The following HS6ST3 variants were observed in gnomAD, a reference collection of about 807,000 sequenced individuals.
HS6ST3 encodes heparan-sulfate 6-O-sulfotransferase 3.
Under a neutral mutation model 36.7 loss-of-function variants are expected in HS6ST3, and 12 were observed. The ratio of observed to expected loss-of-function variants is 0.33; its 90% CI spans 0.21 to 0.53. The LOEUF is 0.53. Ranked by LOEUF, HS6ST3 falls within the 20% of genes least tolerant of loss-of-function variation. The probability of loss-of-function intolerance (pLI) is 0.95; values close to 1 mark genes in which losing one functional copy is unlikely to be tolerated. For missense variants in HS6ST3, 584 were observed against 640.9 expected (o/e 0.91, Z 0.96); for synonymous variants, 240 against 257.5 (o/e 0.93, Z 0.65).
intron 1 of HS6ST3, among the ~76,000 whole-genome samples, chr13:96,319,020 A>G (rs1039372076): frequency 6.6e-6 from 1 of 152,194 alleles, no homozygotes; most frequent in African/African-American, 2.4e-5. Flanking sequence ...TTTTTAGTCT[A>G]TTCACAGAGT....
intron 1 of HS6ST3, among the ~76,000 whole-genome samples, chr13:96,724,756 T>G (rs1192037883): frequency 6.6e-6 from 1 of 152,206 alleles, no homozygotes; most frequent in Non-Finnish European, 1.5e-5. Flanking sequence ...ATGCCATTAT[T>G]TGTTTATTCA....
rs145329331 is a variant in HS6ST3 at position 96,459,587 on chromosome 13, G to A, written c.707+368018G>A. ...GAAGATGGACTCTGGTAATTCTACT[G>A]TTGCTGTGTTGCAGTGTGTTAATTC... On this transcript the variant is annotated intron_variant, in intron 1 of 1. Coordinates refer to ENST00000376705, the MANE Select transcript of HS6ST3 (RefSeq NM_153456.4). 3.3e-4 allele frequency among the ~76,000 whole-genome samples: 51 copies of A among 152,302 alleles called. No individual in the cohort carries two copies. The East Asian group carries it at 9.1e-3, about 27-fold the overall frequency.
intron 1 of HS6ST3, among the ~76,000 whole-genome samples, chr13:96,561,468 G>T (rs926023106): frequency 6.6e-6 from 1 of 152,068 alleles, no homozygotes; most frequent in African/African-American, 2.4e-5. Flanking sequence ...TCTGGAAATG[G>T]ATCTTGGGAA....
chr13:96,421,462 T>G (rs1473688115), intron 1 of HS6ST3, among the ~76,000 whole-genome samples: 1 of 152,216 alleles, frequency 6.6e-6, no homozygotes, highest in African/African-American at 2.4e-5. Context: ...TTTCAATAAC[T>G]TTCATTTTAC....
chr13:96,807,643 T>C (rs1470574826), intron 1 of HS6ST3, among the ~76,000 whole-genome samples: 1 of 152,084 alleles, frequency 6.6e-6, no homozygotes, highest in Non-Finnish European at 1.5e-5. Context: ...TTTAACTGAA[T>C]AAACAAGGAG....
At chr13:96,584,105 A>G (rs1309466554) in intron 1 of HS6ST3, among the ~76,000 whole-genome samples, 3 of 151,994 alleles carry the variant, frequency 2.0e-5, no homozygotes, top group Non-Finnish European at 4.4e-5. Context: ...CATTCATTCT[A>G]TTTGAGTTTG....
At chr13:96,799,025 A>G (rs762368586) in intron 1 of HS6ST3, among the ~76,000 whole-genome samples, 2 of 152,160 alleles carry the variant, frequency 1.3e-5, no homozygotes, top group South Asian at 4.1e-4. Context: ...CCACCCTAAC[A>G]TCCTTATTTT....
intron 1 of HS6ST3, among the ~76,000 whole-genome samples, chr13:96,433,359 C>T (rs1157869263): frequency 1.3e-5 from 2 of 152,128 alleles, no homozygotes; most frequent in East Asian, 3.9e-4. Flanking sequence ...TGTGTCCCCA[C>T]CCAAATCTCA....
At chr13:96,465,151 A>G (rs1421016331) in intron 1 of HS6ST3, among the ~76,000 whole-genome samples, 3 of 152,210 alleles carry the variant, frequency 2.0e-5, no homozygotes, top group Non-Finnish European at 4.4e-5. Flanking sequence ...TCTGTTGGGA[A>G]TAGATATTGG....
chr13:96,688,531 G>A (rs959537561), intron 1 of HS6ST3, among the ~76,000 whole-genome samples: 3 of 152,024 alleles, frequency 2.0e-5, no homozygotes, highest in African/African-American at 7.2e-5. Flanking sequence ...ATGAAGGATA[G>A]TGCTGAAGGA....
intron 1 of HS6ST3, among the ~76,000 whole-genome samples, chr13:96,761,758 T>C (rs941891203): frequency 9.2e-5 from 14 of 152,194 alleles, no homozygotes; most frequent in Admixed American, 4.6e-4. Context: ...GGAACACACA[T>C]AATTTTTCAA....
intron 1 of HS6ST3, among the ~76,000 whole-genome samples, chr13:96,686,203 TC>T (rs935286367): frequency 6.6e-6 from 1 of 151,874 alleles, no homozygotes; most frequent in African/African-American, 2.4e-5. Context: ...AAAACCTTCC[TC>T]TTCACCTATT....
At chr13:96,565,933 G>A (rs1331162010) in intron 1 of HS6ST3, among the ~76,000 whole-genome samples, 1 of 152,100 alleles carries the variant, frequency 6.6e-6, no homozygotes, top group Non-Finnish European at 1.5e-5. Context: ...ACAGACAGAG[G>A]AAACAGAGAC....
chr13:96,633,176 C>T (rs75146371), intron 1 of HS6ST3, among the ~76,000 whole-genome samples: 2,319 of 152,166 alleles, frequency 0.015, 41 homozygotes, highest in Non-Finnish European at 0.021. Flanking sequence ...TCAGCAGGGA[C>T]GGTGTTCCTT....
intron 1 of HS6ST3, among the ~76,000 whole-genome samples, chr13:96,760,794 C>T (rs1876949584): frequency 6.6e-6 from 1 of 151,874 alleles, no homozygotes; most frequent in African/African-American, 2.4e-5. Context: ...TTATTTTTTG[C>T]ATTTCTTATC....
At chr13:96,805,960 C>T (rs1878188811) in intron 1 of HS6ST3, among the ~76,000 whole-genome samples, 1 of 152,150 alleles carries the variant, frequency 6.6e-6, no homozygotes, top group African/African-American at 2.4e-5. Flanking sequence ...TGGCTTAACC[C>T]AAAGACGTAT....
At chr13:96,152,494 C>T (rs1272652220) in intron 1 of HS6ST3, among the ~76,000 whole-genome samples, 7 of 151,890 alleles carry the variant, frequency 4.6e-5, no homozygotes, top group South Asian at 2.1e-4. Context: ...CCCGCCACCA[C>T]GCCCGGCTAA....
chr13:96,387,960 A>G (rs1230271869), intron 1 of HS6ST3, among the ~76,000 whole-genome samples: 1 of 152,094 alleles, frequency 6.6e-6, no homozygotes, highest in East Asian at 1.9e-4. Context: ...AGGGCCCTAG[A>G]GCCTCAGCAG....
intron 1 of HS6ST3, among the ~76,000 whole-genome samples, chr13:96,388,876 T>C (rs2055381718): frequency 6.6e-6 from 1 of 152,218 alleles, no homozygotes; most frequent in Non-Finnish European, 1.5e-5. Flanking sequence ...GTAAGTTTTC[T>C]GAGGCCTCCC....
Sources: allele counts gnomAD v4.1 joint callset (sites outside exome capture counted in the v4.1 genomes callset), GRCh38; gene constraint gnomAD v4.1.1; transcripts MANE v1.5; gene names NCBI Gene and HGNC (gene_info 2026-07-23, HGNC 2026-07-21).